WDR72: variants seen among roughly 807,000 people sequenced by gnomAD.
The protein encoded by WDR72 is WD repeat domain 72, also known as WD repeat-containing protein 72.
In WDR72, 120 loss-of-function variants were observed where a neutral mutation model predicts 124.2. The observed-to-expected ratio is 0.97, with a 90% CI of 0.83 to 1.12. The LOEUF (loss-of-function observed/expected upper bound fraction) is 1.12. WDR72 is among the 50% of genes most tolerant of loss of function. The pLI, the probability that WDR72 is intolerant of heterozygous loss-of-function variation, is 0.00. For missense variants in WDR72, 1,387 were observed against 1,278.8 expected (o/e 1.08, Z -1.29); for synonymous variants, 452 against 441.7 (o/e 1.02, Z -0.29).
rs1406182304 is a variant in WDR72, at chr15:53,733,005, C to T, written c.145G>A (p.Glu49Lys). 1 of 1,613,876 alleles carries T rather than the reference C, an allele frequency of 6.2e-7. No individual in the cohort carries two copies. The highest frequency in any genetic ancestry group is 1.3e-5 in the African/African-American group (1 of 74,884). ...CAGTAGCTTTCACTAACCTTTAGTT[C>T]ATGTGAGAGATTCCAGAGACAGAGC... ...GQLCLWNLSHELKISAKELLF... is the reference protein window; with the variant it reads ...GQLCLWNLSHKLKISAKELLF... Residue 49 changes from glutamate to lysine, a missense_variant, in exon 2 of 20, where the codon GAA (glutamate) becomes AAA (lysine). Physicochemically the swap from Glu to Lys is moderately conservative, Grantham distance 56. Coordinates refer to ENST00000360509, the MANE Select transcript of WDR72 (RefSeq NM_182758.4).
chr15:53,545,180 AC>A (rs755172251), intron 18 of WDR72, among the ~76,000 whole-genome samples: 4 of 151,448 alleles, frequency 2.6e-5, no homozygotes, highest in Non-Finnish European at 5.9e-5. Flanking sequence ...TTCATGTGGA[AC>A]CAAAAAAGAG....
chr15:53,700,080 A>G, intron 12 of WDR72, 135 bp from the exon 13 acceptor site: 13 of 988,464 alleles, frequency 1.3e-5, no homozygotes, highest in Non-Finnish European at 2.0e-5. Flanking sequence ...TCTGCTTTCT[A>G]CAGCACCTTT....
intron 14 of WDR72, among the ~76,000 whole-genome samples, chr15:53,625,357 C>T (rs1447770911): frequency 6.6e-6 from 1 of 152,178 alleles, no homozygotes; most frequent in Non-Finnish European, 1.5e-5. Context: ...AGACAAGGTC[C>T]TGGTATTTTC....
chr15:53,584,024 CT>C (rs1457431850), intron 18 of WDR72, among the ~76,000 whole-genome samples: 1 of 151,878 alleles, frequency 6.6e-6, no homozygotes, highest in African/African-American at 2.4e-5. Context: ...ACCTAATAAT[CT>C]GGTCTTACTT....
At chr15:53,621,431 AT>A (rs2013986786) in intron 14 of WDR72, among the ~76,000 whole-genome samples, 1 of 25,194 alleles carries the variant, frequency 4.0e-5, no homozygotes, top group African/African-American at 1.7e-4. Flanking sequence ...AGAAACTGTG[AT>A]ATATATATAT....
In WDR72 at chr15:53,705,147, C is replaced by T; in HGVS notation, c.1189G>A (p.Gly397Arg). ...GCAGTTCCTGCCCCATCTTTAAGCC[C>T]AGAGAAATAGTCAATAATACTTTGT... The part of the protein sequence containing the change: ...MSQSIIDYFS[G>R]LKDGAGTAVV... The change falls in exon 11 of 20, where the codon GGG (glycine) becomes AGG (arginine). Residue 397 changes from glycine to arginine, a missense_variant. Coordinates refer to ENST00000360509, the MANE Select transcript of WDR72 (RefSeq NM_182758.4). 6.2e-7 allele frequency: 1 copy of T among 1,614,018 alleles called. No homozygotes were observed. The highest frequency in any genetic ancestry group is 8.5e-7 in the Non-Finnish European group (1 of 1,180,016).
chr15:53,564,527 T>A (rs939535527), intron 18 of WDR72, among the ~76,000 whole-genome samples: 10 of 151,868 alleles, frequency 6.6e-5, no homozygotes, highest in African/African-American at 2.2e-4. Flanking sequence ...TTAAAGAAAC[T>A]ATCTCCAGGT....
chr15:53,616,198 C>CA lies in WDR72; in HGVS notation c.2007dup (p.Val670CysfsTer7), dbSNP rs1196475146. The CA allele has an allele frequency of 6.2e-7, 1 of 1,604,830 alleles. No homozygotes were observed. On this transcript the variant is annotated frameshift_variant, in exon 15 of 20. Coordinates refer to ENST00000360509, the MANE Select transcript of WDR72 (RefSeq NM_182758.4). LOFTEE classifies it high-confidence loss of function. ...CCAACGTTACTCCATTTTGTCTTCA[C>CA]AGGCAAGACATTAAAAGGTCTTGGG...
chr15:53,618,968 TAGTTTG>T (rs2013877834), intron 14 of WDR72, among the ~76,000 whole-genome samples: 1 of 152,032 alleles, frequency 6.6e-6, no homozygotes, highest in Non-Finnish European at 1.5e-5. Context: ...ATTTTTCTTT[TAGTTTG>T]CCAGTTGTCT....
intron 13 of WDR72, among the ~76,000 whole-genome samples, chr15:53,689,249 A>G (rs1483430546): frequency 6.6e-6 from 1 of 151,440 alleles, no homozygotes; most frequent in Non-Finnish European, 1.5e-5. Context: ...TCTGCACAGC[A>G]AAAGAAACTA....
At chr15:53,546,566 A>G (rs1369444328) in intron 18 of WDR72, among the ~76,000 whole-genome samples, 1 of 152,112 alleles carries the variant, frequency 6.6e-6, no homozygotes, top group Non-Finnish European at 1.5e-5. Context: ...CTAATGCTAG[A>G]TGACGAGTTA....
At position 53,523,331 on chromosome 15, in the gene WDR72, A is replaced by AGAGG; in HGVS notation, c.3149-10_3149-9insCCTC. On this transcript the variant is annotated splice_polypyrimidine_tract_variant and intron_variant, in intron 18 of 19. Transcript: ENST00000360509. ...GACCGGGCTGACTGGAGCTATTAAA[A>AGAGG]GAGAGAGAGAGAGAGAGAGAGACAG... is the stretch of plus-strand genomic sequence containing the variant. 2 of 650,654 alleles carry AGAGG rather than the reference A, an allele frequency of 3.1e-6. No individual in the cohort carries two copies. The highest frequency in any genetic ancestry group is 3.7e-5 in the South Asian group (1 of 27,098). The allele number at this position is 650,654 out of a possible 1,614,324, so 40.3% of individuals were successfully genotyped here.
At chr15:53,720,097 C>A (rs961153153) in intron 3 of WDR72, among the ~76,000 whole-genome samples, 11 of 151,674 alleles carry the variant, frequency 7.3e-5, no homozygotes, top group Non-Finnish European at 1.5e-4. Flanking sequence ...TGCTATTTGT[C>A]CCATTTTTTA....
chr15:53,607,395 G>A (rs2013333656), intron 17 of WDR72, among the ~76,000 whole-genome samples: 1 of 152,080 alleles, frequency 6.6e-6, no homozygotes, highest in Non-Finnish European at 1.5e-5. Flanking sequence ...ACTCATTTTC[G>A]ACAAAAGTGC....
chr15:53,636,554 A>G (rs1490553646), intron 14 of WDR72, among the ~76,000 whole-genome samples: 2 of 152,194 alleles, frequency 1.3e-5, no homozygotes, highest in Non-Finnish European at 2.9e-5. Context: ...ATTACAAACT[A>G]TATAAGAAAT....
chr15:53,648,749 G>A (rs1385901389), intron 14 of WDR72, among the ~76,000 whole-genome samples: 1 of 151,676 alleles, frequency 6.6e-6, no homozygotes, highest in African/African-American at 2.4e-5. Flanking sequence ...CAGAGAGTAT[G>A]CTCACTAAAA....
At chr15:53,753,872 A>T (rs2169344) in intron 1 of WDR72, among the ~76,000 whole-genome samples, 2 of 152,092 alleles carry the variant, frequency 1.3e-5, no homozygotes, top group African/African-American at 4.8e-5. Flanking sequence ...GTTATTAGGA[A>T]AAGAAGGCTA....
intron 13 of WDR72, among the ~76,000 whole-genome samples, chr15:53,681,256 T>C (rs1595844545): frequency 6.6e-6 from 1 of 152,146 alleles, no homozygotes; most frequent in South Asian, 2.1e-4. Flanking sequence ...ACTGGGAAGT[T>C]GCTAGGGAAT....
chr15:53,609,415 A>G lies in WDR72; in HGVS notation c.2952+98T>C, dbSNP rs1026937595. 4 of 1,062,542 alleles carry G rather than the reference A, an allele frequency of 3.8e-6. No homozygotes were observed. In the Admixed American group the frequency reaches 7.2e-5, roughly 19 times the overall value. The allele number at this position is 1,062,542 out of a possible 1,614,324, so 65.8% of individuals were successfully genotyped here. A position where few individuals can be genotyped will look rare whatever the true frequency, so the allele number is the denominator to read the frequency against. ...GTTCAAAGGCCATTTTATGAGGACA[A>G]GAGTAACTGCTTGTATTTTCAGATA... On this transcript the variant is annotated intron_variant, in intron 17 of 19. Transcript: ENST00000360509.
Sources: allele counts gnomAD v4.1 joint callset (sites outside exome capture counted in the v4.1 genomes callset), GRCh38; gene constraint gnomAD v4.1.1; transcripts MANE v1.5; gene names NCBI Gene and HGNC (gene_info 2026-07-23, HGNC 2026-07-21).